Variants in ERBB4 observed in about 807,000 individuals in gnomAD.
ERBB4 encodes receptor tyrosine-protein kinase erbB-4.
A neutral mutation model predicts 158.0 loss-of-function variants in ERBB4; 42 were observed. That is an observed-to-expected ratio of 0.27 (90% confidence interval 0.21 to 0.34). The LOEUF is 0.34. Among genes scored for constraint, ERBB4 ranks in the 10% least tolerant of loss-of-function variants. ERBB4 has a pLI of 1.00. For synonymous variants in ERBB4, 583 were observed against 558.7 expected (o/e 1.04, Z -0.61); for missense variants, 1,333 against 1,624.1 (o/e 0.82, Z 3.08).
chr2:211,755,720 C>A (rs1312547166), intron 4 of ERBB4, among the ~76,000 whole-genome samples: 4 of 152,146 alleles, frequency 2.6e-5, no homozygotes, highest in African/African-American at 4.8e-5. Flanking sequence ...AGTCCATGAA[C>A]TGCATTTATG....
intron 1 of ERBB4, among the ~76,000 whole-genome samples, chr2:212,423,738 T>A (rs559326107): frequency 1.4e-4 from 22 of 152,346 alleles, no homozygotes; most frequent in Non-Finnish European, 3.1e-4. Flanking sequence ...TGTCTCTTGA[T>A]AGCTTTGTGT....
intron 1 of ERBB4, among the ~76,000 whole-genome samples, chr2:212,265,822 G>C (rs1323200219): frequency 2.0e-5 from 3 of 152,032 alleles, no homozygotes; most frequent in African/African-American, 4.8e-5. Context: ...GGTGGTAAAT[G>C]ATCAAACACA....
At chr2:212,381,249 T>C (rs1170725709) in intron 1 of ERBB4, among the ~76,000 whole-genome samples, 1 of 151,316 alleles carries the variant, frequency 6.6e-6, no homozygotes, top group African/African-American at 2.4e-5. Flanking sequence ...TTCAAAAAGT[T>C]AGATAAAAAG....
chr2:211,993,565 C>G (rs937518037), intron 2 of ERBB4, among the ~76,000 whole-genome samples: 4 of 151,302 alleles, frequency 2.6e-5, no homozygotes, highest in Non-Finnish European at 5.9e-5. Flanking sequence ...TAAGAGACTT[C>G]CCCAAATTGC....
Position 211,428,211 on chromosome 2 carries a change from T to TTAAAA in ERBB4, c.2719+192_2719+196dup, listed in dbSNP as rs55861364. Among the ~76,000 whole-genome samples, 17,529 of 147,060 alleles carry TTAAAA rather than the reference T, an allele frequency of 0.12. 2,225 individuals are homozygous for TTAAAA. The highest frequency in any genetic ancestry group is 0.31 in the African/African-American group (12,576 of 39,932). On this transcript the variant is annotated intron_variant, in intron 22 of 27. Transcript: ENST00000342788. ...AGGTTCTGCATGTGTATCGCAGAAC[T>TTAAAA]TAAAATAAAATAAAATAAAATAAAA...
chr2:211,384,211 C>T, intron 27 of ERBB4, 151 bp from the exon 28 acceptor site: 1 of 637,132 alleles, frequency 1.6e-6, no homozygotes, highest in South Asian at 2.0e-5. Context: ...TTGTGGATCA[C>T]CATTGTCTTA....
intron 19 of ERBB4, among the ~76,000 whole-genome samples, chr2:211,591,296 TA>T: frequency 6.6e-6 from 1 of 152,294 alleles, no homozygotes; most frequent in Non-Finnish European, 1.5e-5. Context: ...GGGGATAGAT[TA>T]GGGGAGGGGA....
At chr2:211,704,045 C>A in intron 11 of ERBB4, 59 bp downstream of exon 11, 1 of 939,868 alleles carries the variant, frequency 1.1e-6, no homozygotes, top group South Asian at 1.3e-5. Context: ...TGACTTAATG[C>A]ACACACAATG....
rs1311099156 is a variant in ERBB4, at chr2:211,381,675, T to C, written c.*1940A>G. The C allele has an allele frequency of 4.3e-6, 1 of 231,672 alleles. No individual in the cohort carries two copies. Among genetic ancestry groups the C allele is most frequent in the African/African-American group, 2.2e-5 (1 of 45,260 alleles). The allele number at this position is 231,672 out of a possible 1,614,324, so 14.4% of individuals were successfully genotyped here. Reference sequence around the variant, plus strand: ...GTTAGATAAAGGAGGTTTGGATGGATGGATGGATGGATTTACTTGTTCAGA... The same window carrying C: ...GTTAGATAAAGGAGGTTTGGATGGACGGATGGATGGATTTACTTGTTCAGA... On this transcript the variant is annotated 3_prime_UTR_variant, in exon 28 of 28. Transcript: ENST00000342788.
intron 19 of ERBB4, among the ~76,000 whole-genome samples, chr2:211,580,099 G>T (rs2068021931): frequency 1.3e-5 from 2 of 152,292 alleles, no homozygotes; most frequent in Admixed American, 6.5e-5. Context: ...AAGTTGTTTT[G>T]AGGAGAGTTC....
intron 2 of ERBB4, among the ~76,000 whole-genome samples, chr2:212,009,134 G>T (rs569113588): frequency 3.9e-5 from 6 of 152,008 alleles, no homozygotes; most frequent in African/African-American, 1.4e-4. Context: ...AACTTCTGTA[G>T]TATGTTGATT....
chr2:211,716,253 T>C (rs982696047), intron 7 of ERBB4, among the ~76,000 whole-genome samples: 3 of 149,082 alleles, frequency 2.0e-5, no homozygotes, highest in Non-Finnish European at 4.4e-5. Context: ...TCCCAGCTAC[T>C]AGGGAGACTG....
intron 2 of ERBB4, among the ~76,000 whole-genome samples, chr2:212,105,015 T>C (rs1215262144): frequency 7.9e-6 from 1 of 127,126 alleles, no homozygotes; most frequent in Admixed American, 7.5e-5. Flanking sequence ...CCTTTCTCTT[T>C]CAAAAAGATA....
intron 20 of ERBB4, among the ~76,000 whole-genome samples, chr2:211,444,332 A>C (rs2064059408): frequency 6.6e-6 from 1 of 152,074 alleles, no homozygotes. Flanking sequence ...ATTCATTAGA[A>C]CAAAATTTAA....
Position 212,125,217 on chromosome 2 carries a change from T to G in ERBB4, c.83-314A>C, listed in dbSNP as rs573218476. On this transcript the variant is annotated intron_variant, in intron 1 of 27. Coordinates refer to ENST00000342788, the MANE Select transcript of ERBB4 (RefSeq NM_005235.3). ...AATACATTTACTTTTATTTAAACAT[T>G]TTTTTTTTTAGGACATATGATTTAC... 7.3e-3 allele frequency: 549 copies of G among 75,590 alleles called. 2 individuals carry two copies. Among genetic ancestry groups the G allele is most frequent in the African/African-American group, 0.057 (299 of 5,286 alleles). The allele number at this position is 75,590 out of a possible 1,614,324, so 4.7% of individuals were successfully genotyped here.
chr2:211,973,139 G>C (rs1055447054), intron 2 of ERBB4, among the ~76,000 whole-genome samples: 2 of 151,020 alleles, frequency 1.3e-5, no homozygotes, highest in African/African-American at 2.4e-5. Flanking sequence ...CTTTTCAAAA[G>C]AAGACATATG....
chr2:212,247,745 C>T (rs527638322), intron 1 of ERBB4, among the ~76,000 whole-genome samples: 1 of 152,322 alleles, frequency 6.6e-6, no homozygotes, highest in South Asian at 2.1e-4. Context: ...AGACAGATCG[C>T]TTGAGGTCAG....
At chr2:212,382,830 T>C (rs2090552997) in intron 1 of ERBB4, among the ~76,000 whole-genome samples, 1 of 151,284 alleles carries the variant, frequency 6.6e-6, no homozygotes, top group African/African-American at 2.4e-5. Flanking sequence ...TTTATCATGT[T>C]TTTTCTTTTT....
chr2:212,235,064 G>C (rs1237064740), intron 1 of ERBB4, among the ~76,000 whole-genome samples: 1 of 152,164 alleles, frequency 6.6e-6, no homozygotes, highest in Non-Finnish European at 1.5e-5. Flanking sequence ...CCTATGTCCT[G>C]AATGGTATTC....
Sources: allele counts gnomAD v4.1 joint callset (sites outside exome capture counted in the v4.1 genomes callset), GRCh38; gene constraint gnomAD v4.1.1; transcripts MANE v1.5; gene names NCBI Gene and HGNC (gene_info 2026-07-23, HGNC 2026-07-21).